The following NCKAP5 variants were observed in gnomAD, a reference collection of about 807,000 sequenced individuals.
NCKAP5 encodes the protein NCK associated protein 5.
NCKAP5 carries 92 observed loss-of-function variants against 167.0 expected under a neutral mutation model. The ratio of observed to expected loss-of-function variants is 0.55; its 90% CI spans 0.47 to 0.66. The LOEUF is 0.66. NCKAP5 is among the 30% of genes least tolerant of loss of function. The pLI, the probability that NCKAP5 is intolerant of heterozygous loss-of-function variation, is 0.00. For missense variants in NCKAP5, 2,378 were observed against 2,315.0 expected (o/e 1.03, Z -0.56); for synonymous variants, 891 against 877.4 (o/e 1.02, Z -0.27).
intron 4 of NCKAP5, among the ~76,000 whole-genome samples, chr2:133,260,477 A>G (rs368332338): frequency 9.8e-5 from 15 of 152,312 alleles, no homozygotes; most frequent in African/African-American, 3.6e-4. Flanking sequence ...TTCTTATTAA[A>G]GATCAAAATT....
chr2:132,682,982 C>T (rs1685440985), intron 19 of NCKAP5, among the ~76,000 whole-genome samples: 1 of 151,344 alleles, frequency 6.6e-6, no homozygotes, highest in Non-Finnish European at 1.5e-5. Context: ...CCTCCCAGTT[C>T]ATGCTATTCT....
chr2:133,095,799 A>G (rs1300187051), intron 6 of NCKAP5, among the ~76,000 whole-genome samples: 2 of 152,222 alleles, frequency 1.3e-5, no homozygotes, highest in Admixed American at 6.5e-5. Flanking sequence ...TCTCCTATTG[A>G]TAAACAGTGT....
chr2:133,639,028 C>T, the NCKAP5 span, among the ~76,000 whole-genome samples: 3 of 151,948 alleles, frequency 2.0e-5, no homozygotes, highest in African/African-American at 7.3e-5. Context: ...AAGGAAAAAG[C>T]AATTCATAAA....
intron 6 of NCKAP5, among the ~76,000 whole-genome samples, chr2:133,097,838 A>G (rs1396791271): frequency 6.6e-6 from 1 of 152,062 alleles, no homozygotes; most frequent in Non-Finnish European, 1.5e-5. Context: ...TTATCTGGGG[A>G]CTTGTCCTCA....
chr2:132,708,947 C>T (rs1436857582), intron 19 of NCKAP5, among the ~76,000 whole-genome samples: 1 of 152,044 alleles, frequency 6.6e-6, no homozygotes, highest in African/African-American at 2.4e-5. Context: ...CTTTTTGCAT[C>T]TGATTTAAGG....
At chr2:133,168,901 T>G (rs1433551342) in intron 5 of NCKAP5, among the ~76,000 whole-genome samples, 1 of 152,164 alleles carries the variant, frequency 6.6e-6, no homozygotes, top group Non-Finnish European at 1.5e-5. Context: ...GCTTCCTCTT[T>G]GAACCATAGA....
At chr2:133,517,142 G>A (rs1194289367) in intron 3 of NCKAP5, among the ~76,000 whole-genome samples, 3 of 152,150 alleles carry the variant, frequency 2.0e-5, no homozygotes, top group African/African-American at 7.2e-5. Flanking sequence ...ACAACTATAC[G>A]TAGGCTTAGC....
chr2:133,525,942 GATA>G (rs1189856575), intron 2 of NCKAP5, among the ~76,000 whole-genome samples: 1 of 151,862 alleles, frequency 6.6e-6, no homozygotes, highest in East Asian at 1.9e-4. Context: ...ATAAAATTAA[GATA>G]ATAATAAAAA....
At chr2:132,714,729 C>T in intron 19 of NCKAP5, 1 of 374,184 alleles carries the variant, frequency 2.7e-6, no homozygotes. Context: ...AGGAGAATCG[C>T]TTGAACCCGG....
chr2:132,952,561 T>G (rs958122550), intron 8 of NCKAP5, among the ~76,000 whole-genome samples: 40 of 152,094 alleles, frequency 2.6e-4, no homozygotes, highest in African/African-American at 9.2e-4. Context: ...TTCCAGGAGT[T>G]GGAAGGCCAA....
At position 133,370,378 on chromosome 2, in the gene NCKAP5, GGAA is replaced by G. The variant is rs1381798526; in HGVS notation, c.70-67271_70-67269del. Among the ~76,000 whole-genome samples, 14 of 152,280 alleles carry G rather than the reference GGAA, an allele frequency of 9.2e-5. 1 individual carries two copies. The highest frequency in any genetic ancestry group is 5.9e-4 in the Admixed American group (9 of 15,294). ...GTAAAAGTGGATATGAGGAAGGACA[GGAA>G]GGACATGCTCAGCTACACAGAGATT... On this transcript the variant is annotated intron_variant, in intron 3 of 19. Coordinates refer to ENST00000409261, the MANE Select transcript of NCKAP5 (RefSeq NM_207363.3).
intron 3 of NCKAP5, among the ~76,000 whole-genome samples, chr2:133,318,721 C>G (rs1005505753): frequency 2.6e-5 from 4 of 152,156 alleles, no homozygotes; most frequent in Non-Finnish European, 5.9e-5. Flanking sequence ...CCCAGGGCCC[C>G]TGTCTCTGTG....
At chr2:133,308,689 CTTTTTTTTTTTT>C (rs35760716) in intron 3 of NCKAP5, among the ~76,000 whole-genome samples, 10 of 59,278 alleles carry the variant, frequency 1.7e-4, no homozygotes, top group South Asian at 6.6e-4. Flanking sequence ...AAATACAATT[CTTTTTTTTTTTT>C]TTTTTTTTTT....
the NCKAP5 span, among the ~76,000 whole-genome samples, chr2:133,605,183 T>C: frequency 6.6e-6 from 1 of 152,298 alleles, no homozygotes. Context: ...CTTGTGATCT[T>C]AAGCCTGATT....
At position 133,562,007 on chromosome 2, in the gene NCKAP5, C is replaced by T. The variant is rs1038098556; in HGVS notation, c.-129-2890G>A. Among the ~76,000 whole-genome samples, 5 of 151,506 alleles carry T rather than the reference C, an allele frequency of 3.3e-5. 1 individual carries two copies. Among genetic ancestry groups the T allele is most frequent in the South Asian group, 4.2e-4 (2 of 4,796 alleles). On this transcript the variant is annotated intron_variant, in intron 1 of 19. Transcript: ENST00000409261. ...AGCACTATGCATGTAATTAAAACTG[C>T]GATATAATTATATTGAAGAATAGGG...
intron 3 of NCKAP5, among the ~76,000 whole-genome samples, chr2:133,412,504 C>T (rs1325820722): frequency 6.6e-6 from 1 of 152,164 alleles, no homozygotes; most frequent in East Asian, 1.9e-4. Flanking sequence ...GGCCTTCAGA[C>T]TCACAAGGCT....
chr2:132,822,818 T>C (rs1227376271), intron 11 of NCKAP5, among the ~76,000 whole-genome samples: 1 of 151,828 alleles, frequency 6.6e-6, no homozygotes, highest in South Asian at 2.1e-4. Flanking sequence ...AAATGGGAAA[T>C]GGATACAAAA....
intron 3 of NCKAP5, among the ~76,000 whole-genome samples, chr2:133,465,142 G>A (rs1411099959): frequency 5.5e-5 from 8 of 144,940 alleles, no homozygotes; most frequent in South Asian, 4.8e-4. Flanking sequence ...GTATCTCCCA[G>A]TGCTATCCCT....
chr2:133,498,682 G>A (rs552778035), intron 3 of NCKAP5, among the ~76,000 whole-genome samples: 16 of 152,116 alleles, frequency 1.1e-4, no homozygotes, highest in South Asian at 2.1e-4. Flanking sequence ...AAAGAGAGAC[G>A]CGGAGGGAGA....
Sources: gnomAD v4.1 joint callset for allele counts (sites outside exome capture counted in the v4.1 genomes callset) on GRCh38, gnomAD v4.1.1 for gene constraint, MANE v1.5 for transcripts, NCBI Gene and HGNC (gene_info 2026-07-23, HGNC 2026-07-21) for gene names.